Variants in CNBD1 observed in about 807,000 individuals in gnomAD.
The protein encoded by CNBD1 is cyclic nucleotide binding domain containing 1.
CNBD1 carries 71 observed loss-of-function variants against 54.4 expected under a neutral mutation model. That is an observed-to-expected ratio of 1.30 (90% CI 1.08 to 1.59). CNBD1 has a LOEUF of 1.59. CNBD1 is among the 40% of genes most tolerant of loss of function. The probability of loss-of-function intolerance (pLI) is 0.00; values close to 1 mark genes in which losing one functional copy is unlikely to be tolerated. For missense variants in CNBD1, 659 were observed against 518.0 expected (o/e 1.27, Z -2.64); for synonymous variants, 182 against 170.7 (o/e 1.07, Z -0.51).
intron 1 of CNBD1, among the ~76,000 whole-genome samples, chr8:86,868,745 T>C (rs2131761347): frequency 6.6e-6 from 1 of 152,332 alleles, no homozygotes. Context: ...ATGTCTTCGG[T>C]GGACAGAATT....
chr8:87,185,672 T>G (rs1368248591), intron 4 of CNBD1, among the ~76,000 whole-genome samples: 1 of 152,186 alleles, frequency 6.6e-6, no homozygotes, highest in African/African-American at 2.4e-5. Context: ...GCTCCAGATA[T>G]TGTTCCCTCT....
rs1217827721 is a variant in CNBD1, at chr8:87,272,518, T to G, written c.772-12160T>G. Among the ~76,000 whole-genome samples, 3 of 151,978 alleles carry G rather than the reference T, an allele frequency of 2.0e-5. No homozygotes were observed. The East Asian group carries it at 5.8e-4, about 29-fold the overall frequency. On this transcript the variant is annotated intron_variant, in intron 6 of 10. Coordinates refer to ENST00000518476, the MANE Select transcript of CNBD1 (RefSeq NM_173538.3). ...TGAAAATGTGAGCAATTGAATTTAGTGTTATGTGGGAGAAATGTTTTCCTT... is the reference window on the plus strand; with the variant it reads ...TGAAAATGTGAGCAATTGAATTTAGGGTTATGTGGGAGAAATGTTTTCCTT...
At chr8:87,268,074 C>T (rs1182800586) in intron 6 of CNBD1, among the ~76,000 whole-genome samples, 1 of 152,070 alleles carries the variant, frequency 6.6e-6, no homozygotes, top group Non-Finnish European at 1.5e-5. Flanking sequence ...GAGCACAGTA[C>T]ACAACAGGTA....
At chr8:87,169,817 T>C (rs1172330120) in intron 4 of CNBD1, among the ~76,000 whole-genome samples, 2 of 152,160 alleles carry the variant, frequency 1.3e-5, no homozygotes, top group African/African-American at 4.8e-5. Context: ...AATTCTGTAG[T>C]ATAACTTGAA....
chr8:86,940,187 A>G (rs6468564), intron 4 of CNBD1, among the ~76,000 whole-genome samples: 52,353 of 130,500 alleles, frequency 0.4, 10,413 homozygotes, highest in African/African-American at 0.54. Flanking sequence ...CTGGAGTGCA[A>G]TGGCACAGTT....
Position 87,315,051 on chromosome 8 carries a change from G to T in CNBD1, c.1042+28380G>T, listed in dbSNP as rs77235454. 6.0e-3 allele frequency among the ~76,000 whole-genome samples: 906 copies of T among 152,060 alleles called. 9 individuals carry two copies. The highest frequency in any genetic ancestry group is 0.021 in the African/African-American group (870 of 41,516). ...AAAATTTAACAAGCAAAAGTACTTAGAAAATACTTTCAAAATACTGAGAGA... is the reference window on the plus strand; with the variant it reads ...AAAATTTAACAAGCAAAAGTACTTATAAAATACTTTCAAAATACTGAGAGA... On this transcript the variant is annotated intron_variant, in intron 8 of 10. Transcript: ENST00000518476.
chr8:87,277,000 C>T lies in CNBD1; in HGVS notation c.772-7678C>T, dbSNP rs935321469. 4.0e-5 allele frequency among the ~76,000 whole-genome samples: 6 copies of T among 151,118 alleles called. No homozygotes were observed. The East Asian group carries it at 1.2e-3, about 29-fold the overall frequency. On this transcript the variant is annotated intron_variant, in intron 6 of 10. Transcript: ENST00000518476. ...AATTATTTTTTTTTTTTGAAATACACATCTGGTTGAATTAACTATTCAATA... is the reference window on the plus strand; with the variant it reads ...AATTATTTTTTTTTTTTGAAATACATATCTGGTTGAATTAACTATTCAATA...
intron 2 of CNBD1, among the ~76,000 whole-genome samples, chr8:87,408,634 T>C (rs1465757671): frequency 1.3e-5 from 2 of 152,044 alleles, no homozygotes; most frequent in Admixed American, 6.6e-5. Flanking sequence ...GCTTCACAGA[T>C]GTTGCATTTT....
intron 6 of CNBD1, among the ~76,000 whole-genome samples, chr8:87,277,767 C>T (rs1372317002): frequency 6.6e-6 from 1 of 151,554 alleles, no homozygotes; most frequent in Non-Finnish European, 1.5e-5. Context: ...TAAAGTACCT[C>T]AGAGAAAGAT....
At chr8:87,037,360 A>G (rs548934512) in intron 4 of CNBD1, among the ~76,000 whole-genome samples, 1 of 152,160 alleles carries the variant, frequency 6.6e-6, no homozygotes, top group South Asian at 2.1e-4. Context: ...GATTGTCTTC[A>G]TCAGTGTCTA....
rs1391289526 is a variant in CNBD1 at position 87,225,196 on chromosome 8, C to T, written c.578-11723C>T. On this transcript the variant is annotated intron_variant, in intron 5 of 10. Transcript: ENST00000518476. Reference sequence around the variant, plus strand: ...CAATCATGTCATCTGCAAACAGGGACAATTTGACTTCCTCTTTTCCTAATT... The same window carrying T: ...CAATCATGTCATCTGCAAACAGGGATAATTTGACTTCCTCTTTTCCTAATT... 4.8e-3 allele frequency among the ~76,000 whole-genome samples: 719 copies of T among 149,002 alleles called. 7 individuals are homozygous for T. The highest frequency in any genetic ancestry group is 0.017 in the African/African-American group (682 of 40,132).
At chr8:86,926,866 T>A (rs1809369645) in intron 3 of CNBD1, among the ~76,000 whole-genome samples, 1 of 152,198 alleles carries the variant, frequency 6.6e-6, no homozygotes, top group Non-Finnish European at 1.5e-5. Context: ...CTATTCTGGC[T>A]TCTGTAGCAG....
chr8:87,075,728 G>A (rs1187169671), intron 4 of CNBD1, among the ~76,000 whole-genome samples: 1 of 152,118 alleles, frequency 6.6e-6, no homozygotes, highest in Non-Finnish European at 1.5e-5. Context: ...TGAGCAGCAG[G>A]ACCTAGGCTG....
intron 8 of CNBD1, among the ~76,000 whole-genome samples, chr8:87,315,850 A>T (rs962792983): frequency 1.3e-5 from 2 of 152,080 alleles, no homozygotes. Context: ...GTAGCAGAGA[A>T]GATTTGGAAT....
At chr8:87,275,116 C>T (rs1808446978) in intron 6 of CNBD1, among the ~76,000 whole-genome samples, 2 of 137,844 alleles carry the variant, frequency 1.5e-5, no homozygotes, top group Non-Finnish European at 3.1e-5. Context: ...GGGCTGTGTT[C>T]TGTTCCATTG....
chr8:86,903,252 T>A (rs1563816267), intron 2 of CNBD1, among the ~76,000 whole-genome samples: 1 of 152,138 alleles, frequency 6.6e-6, no homozygotes, highest in Admixed American at 6.6e-5. Flanking sequence ...ACTAAGGTTA[T>A]ACACATAAAG....
chr8:87,426,160 C>A (rs944204147), intron 2 of CNBD1, among the ~76,000 whole-genome samples: 1 of 152,226 alleles, frequency 6.6e-6, no homozygotes, highest in Admixed American at 6.5e-5. Context: ...TGAGGCAATG[C>A]CTCGCCCTGC....
chr8:86,926,416 C>T (rs1161549950), intron 3 of CNBD1, among the ~76,000 whole-genome samples: 1 of 152,146 alleles, frequency 6.6e-6, no homozygotes, highest in Non-Finnish European at 1.5e-5. Flanking sequence ...GTAAGACCAT[C>T]TGTAGCTTGA....
chr8:87,225,352 C>T (rs1411873302), intron 5 of CNBD1, among the ~76,000 whole-genome samples: 2 of 151,658 alleles, frequency 1.3e-5, no homozygotes, highest in Non-Finnish European at 2.9e-5. Flanking sequence ...CCAGTTTTTG[C>T]CCATTCAGTA....
Sources: allele counts gnomAD v4.1 joint callset (sites outside exome capture counted in the v4.1 genomes callset), GRCh38; gene constraint gnomAD v4.1.1; transcripts MANE v1.5; gene names NCBI Gene and HGNC (gene_info 2026-07-23, HGNC 2026-07-21).